SNTG1: variants seen among roughly 807,000 people sequenced by gnomAD.
SNTG1 encodes syntrophin gamma 1, also known as gamma-1-syntrophin.
SNTG1 carries 39 observed loss-of-function variants against 74.7 expected under a neutral mutation model. The observed-to-expected ratio is 0.52, with a 90% CI of 0.40 to 0.68. The LOEUF (loss-of-function observed/expected upper bound fraction) is 0.68, where lower values mean the gene tolerates loss of function less well. SNTG1 is among the 30% of genes least tolerant of loss of function. SNTG1 has a pLI of 0.00. For missense variants in SNTG1, 685 were observed against 609.5 expected (o/e 1.12, Z -1.30); for synonymous variants, 254 against 217.1 (o/e 1.17, Z -1.49).
chr8:50,250,011 C>T (rs2086575514), intron 2 of SNTG1, among the ~76,000 whole-genome samples: 1 of 151,036 alleles, frequency 6.6e-6, no homozygotes, highest in South Asian at 2.1e-4. Context: ...AAAAGAATTA[C>T]TAATAATGAT....
intron 1 of SNTG1, among the ~76,000 whole-genome samples, chr8:50,032,378 G>T (rs1359630494): frequency 1.3e-5 from 2 of 151,880 alleles, no homozygotes; most frequent in African/African-American, 4.8e-5. Flanking sequence ...TGGCAGATTA[G>T]ATTTTTAGTT....
chr8:50,789,077 A>T (rs1398718940), intron 18 of SNTG1, among the ~76,000 whole-genome samples: 1 of 151,958 alleles, frequency 6.6e-6, no homozygotes, highest in Non-Finnish European at 1.5e-5. Context: ...GAAAAGAAGG[A>T]TTTCTTTTCC....
chr8:49,924,670 T>C (rs1806856661), intron 1 of SNTG1, among the ~76,000 whole-genome samples: 1 of 152,068 alleles, frequency 6.6e-6, no homozygotes, highest in South Asian at 2.1e-4. Context: ...AATTATGTTT[T>C]ATTTCATGAT....
rs941907924 is a variant in SNTG1, at chr8:50,639,588, A to G, written c.850-17321A>G. ...ATTGATATCAACAGAATTGTGTGCA[A>G]TCATGCTTATAATGTCCTACCTGCA... On this transcript the variant is annotated intron_variant, in intron 13 of 18. Transcript: ENST00000642720. Among the ~76,000 whole-genome samples the G allele has an allele frequency of 7.2e-5, 11 of 152,022 alleles. No individual in the cohort carries two copies. In the South Asian group the frequency reaches 8.3e-4, roughly 11 times the overall value.
At chr8:50,550,220 G>A (rs112061223) in intron 11 of SNTG1, among the ~76,000 whole-genome samples, 2 of 152,266 alleles carry the variant, frequency 1.3e-5, no homozygotes, top group African/African-American at 4.8e-5. Flanking sequence ...GTGGTTCCTT[G>A]CAGACTTTAA....
At chr8:50,148,717 A>G (rs1055001456) in intron 1 of SNTG1, among the ~76,000 whole-genome samples, 7 of 152,214 alleles carry the variant, frequency 4.6e-5, no homozygotes, top group Middle Eastern at 3.2e-3. Context: ...ATGTCCATAC[A>G]AAGGACATGA....
intron 15 of SNTG1, among the ~76,000 whole-genome samples, chr8:50,701,618 C>CTTCTTCTTCTTCTTCTTCTTCTTCTT (rs201341360): frequency 0.029 from 3,930 of 136,928 alleles, 164 homozygotes; most frequent in Middle Eastern, 0.047. Context: ...TCTTCTTCTT[C>CTTCTTCTTCTTCTTCTTCTTCTTCTT]GTGTTCCTCT....
rs756982153 is a variant in SNTG1, at chr8:50,542,159, GT to G, written c.680+5365del. The stretch of plus-strand genomic sequence containing the variant: ...TATATGTATACTACACTTTCTTTCT[GT>G]TTTTTTTTTTTTTGAGACGGAGTTT... On this transcript the variant is annotated intron_variant, in intron 11 of 18. Transcript: ENST00000642720. 6.6e-3 allele frequency among the ~76,000 whole-genome samples: 724 copies of G among 109,290 alleles called. 10 individuals are homozygous for G. The highest frequency in any genetic ancestry group is 0.026 in the African/African-American group (648 of 25,134). 71.7% of individuals were successfully genotyped at this position (109,290 alleles called of 152,430 possible). A position where few individuals can be genotyped will look rare whatever the true frequency, so the allele number is the denominator to read the frequency against.
At chr8:50,211,155 A>AT (rs1222946568) in intron 2 of SNTG1, among the ~76,000 whole-genome samples, 1 of 152,116 alleles carries the variant, frequency 6.6e-6, no homozygotes, top group Non-Finnish European at 1.5e-5. Flanking sequence ...TGCACAATGG[A>AT]TTTTTTAAAA....
intron 8 of SNTG1, among the ~76,000 whole-genome samples, chr8:50,452,506 CGG>C (rs2093466749): frequency 6.6e-6 from 1 of 152,132 alleles, no homozygotes; most frequent in Non-Finnish European, 1.5e-5. Context: ...TGCTGTTAGA[CGG>C]AATGCAATTT....
At chr8:50,735,564 G>T (rs951176603) in intron 17 of SNTG1, among the ~76,000 whole-genome samples, 1 of 151,878 alleles carries the variant, frequency 6.6e-6, no homozygotes, top group Non-Finnish European at 1.5e-5. Context: ...GTGAAGACAA[G>T]ATTAGAGAAA....
intron 15 of SNTG1, among the ~76,000 whole-genome samples, chr8:50,701,736 CTTT>C (rs1411905422): frequency 2.1e-4 from 20 of 95,840 alleles, no homozygotes; most frequent in African/African-American, 8.1e-4. Context: ...TCTTCTTTTT[CTTT>C]TTCTTCTCCT....
At chr8:50,592,491 A>G (rs78565932) in intron 13 of SNTG1, among the ~76,000 whole-genome samples, 1 of 152,160 alleles carries the variant, frequency 6.6e-6, no homozygotes, top group African/African-American at 2.4e-5. Flanking sequence ...TCATGTAGTC[A>G]GCTTGCTGAC....
intron 18 of SNTG1, among the ~76,000 whole-genome samples, chr8:50,784,695 T>C (rs1409601251): frequency 2.0e-5 from 3 of 152,162 alleles, no homozygotes; most frequent in Non-Finnish European, 4.4e-5. Context: ...TGTTGACCTG[T>C]TTAGACTCTC....
chr8:49,915,424 A>T (rs1226841583), intron 1 of SNTG1, among the ~76,000 whole-genome samples: 1 of 152,206 alleles, frequency 6.6e-6, no homozygotes, highest in African/African-American at 2.4e-5. Context: ...CTCTCAGCAT[A>T]GGGAATATAA....
At chr8:50,750,751 T>G (rs1318227930) in intron 17 of SNTG1, among the ~76,000 whole-genome samples, 1 of 152,008 alleles carries the variant, frequency 6.6e-6, no homozygotes, top group East Asian at 1.9e-4. Context: ...AGGCTTAATG[T>G]CATTGTACAC....
intron 13 of SNTG1, among the ~76,000 whole-genome samples, chr8:50,608,023 T>C (rs531316929): frequency 2.0e-4 from 30 of 151,788 alleles, no homozygotes; most frequent in African/African-American, 7.0e-4. Flanking sequence ...CCCTATTTTA[T>C]TTATTTTTTA....
chr8:50,135,375 G>A (rs1159536513), intron 1 of SNTG1, among the ~76,000 whole-genome samples: 1 of 152,110 alleles, frequency 6.6e-6, no homozygotes, highest in African/African-American at 2.4e-5. Context: ...TGAAACTGAA[G>A]AATTGTAGTC....
At chr8:50,162,559 CAAAAAAAAAA>C (rs34746562) in intron 1 of SNTG1, among the ~76,000 whole-genome samples, 1 of 83,962 alleles carries the variant, frequency 1.2e-5, no homozygotes, top group Non-Finnish European at 2.3e-5. Context: ...GACTCTGTCT[CAAAAAAAAAA>C]AAAAAAAAGA....
Sources: gnomAD v4.1 joint callset for allele counts (sites outside exome capture counted in the v4.1 genomes callset) on GRCh38, gnomAD v4.1.1 for gene constraint, MANE v1.5 for transcripts, NCBI Gene and HGNC (gene_info 2026-07-23, HGNC 2026-07-21) for gene names.